IL18R1: variants seen among roughly 807,000 people sequenced by gnomAD.
The protein encoded by IL18R1 is interleukin-18 receptor 1.
IL18R1 carries 40 observed loss-of-function variants against 48.5 expected under a neutral mutation model. The observed-to-expected ratio is 0.82, with a 90% confidence interval of 0.64 to 1.07. The LOEUF (loss-of-function observed/expected upper bound fraction) is 1.07, where lower values mean the gene tolerates loss of function less well. Ranked by LOEUF, IL18R1 falls within the 50% of genes least tolerant of loss-of-function variation. The pLI, the probability that IL18R1 is intolerant of heterozygous loss-of-function variation, is 0.00. For synonymous variants in IL18R1, 232 were observed against 225.9 expected, an observed-to-expected ratio of 1.03 and a Z score of -0.24; for missense variants, 596 against 633.7, an observed-to-expected ratio of 0.94 and a Z score of 0.64.
At chr2:102,376,539 T>C (rs562294812) in intron 5 of IL18R1, among the ~76,000 whole-genome samples, 22 of 152,330 alleles carry the variant, frequency 1.4e-4, no homozygotes, top group African/African-American at 5.1e-4. Context: ...TCTGTGAGGC[T>C]GCAAGAGTGC....
chr2:102,381,782 C>A, intron 6 of IL18R1, 100 bp downstream of exon 6: 1 of 777,522 alleles, frequency 1.3e-6, no homozygotes, highest in Non-Finnish European at 2.2e-6. Flanking sequence ...ACTGGATACA[C>A]ATTTCATATT....
At chr2:102,370,266 G>T (rs1679175798) in intron 3 of IL18R1, among the ~76,000 whole-genome samples, 1 of 152,196 alleles carries the variant, frequency 6.6e-6, no homozygotes, top group Non-Finnish European at 1.5e-5. Context: ...CATTTGTTGA[G>T]TGTTAGGAAT....
chr2:102,366,245 C>T (rs576903387), intron 2 of IL18R1, among the ~76,000 whole-genome samples: 1 of 152,270 alleles, frequency 6.6e-6, no homozygotes, highest in East Asian at 1.9e-4. Flanking sequence ...AGATAATCGT[C>T]TCTCAAGTTC....
intron 5 of IL18R1, among the ~76,000 whole-genome samples, chr2:102,380,983 G>A (rs1445469852): frequency 6.6e-6 from 1 of 152,192 alleles, no homozygotes; most frequent in African/African-American, 2.4e-5. Flanking sequence ...CCTGTTGGGT[G>A]ATGACTTACT....
At chr2:102,378,203 A>G (rs902006757) in intron 5 of IL18R1, among the ~76,000 whole-genome samples, 4 of 152,204 alleles carry the variant, frequency 2.6e-5, no homozygotes, top group Admixed American at 6.5e-5. Flanking sequence ...GGCCAGGGAT[A>G]GTGCCAAGTA....
chr2:102,377,156 A>T (rs962217287), intron 5 of IL18R1, among the ~76,000 whole-genome samples: 1 of 152,182 alleles, frequency 6.6e-6, no homozygotes, highest in African/African-American at 2.4e-5. Context: ...CTTTAGCAAC[A>T]TCTTTCTTCT....
Position 102,394,462 on chromosome 2 carries a change from C to T in IL18R1, c.1112-7C>T, listed in dbSNP as rs755568985. On this transcript the variant is annotated splice_region_variant and splice_polypyrimidine_tract_variant and intron_variant, in intron 9 of 10. Coordinates refer to ENST00000233957, the MANE Select transcript of IL18R1 (RefSeq NM_003855.5). ...CATGAATTAAAAGAGCCAATCTTACCTCCTAGATGGAAAAACATATGATGC... is the reference window on the plus strand; with the variant it reads ...CATGAATTAAAAGAGCCAATCTTACTTCCTAGATGGAAAAACATATGATGC... 1.9e-6 allele frequency: 3 copies of T among 1,599,802 alleles called. No individual in the cohort carries two copies. Among genetic ancestry groups the T allele is most frequent in the Non-Finnish European group, 1.7e-6 (2 of 1,171,910 alleles).
Position 102,396,527 on chromosome 2 carries a change from T to A in IL18R1, c.1271-4T>A, listed in dbSNP as rs200837476. 1 of 1,545,388 alleles carries A rather than the reference T, an allele frequency of 6.5e-7. No homozygotes were observed. The highest frequency in any genetic ancestry group is 2.2e-5 in the East Asian group (1 of 44,472). ...AATTAATAGGGGTTATCTTGCATTT[T>A]CAGCTGTTGTTGATGAAATCCACTC... On this transcript the variant is annotated splice_polypyrimidine_tract_variant and splice_region_variant and intron_variant, in intron 10 of 10. Coordinates refer to ENST00000233957, the MANE Select transcript of IL18R1 (RefSeq NM_003855.5).
intron 4 of IL18R1, chr2:102,373,831 G>C (rs1454636945): frequency 5.0e-6 from 1 of 198,570 alleles, no homozygotes; most frequent in African/African-American, 2.3e-5. Context: ...GACTCTCACA[G>C]GAGTAAGAAC....
chr2:102,386,399 G>A (rs1680227820), intron 7 of IL18R1, among the ~76,000 whole-genome samples: 1 of 152,196 alleles, frequency 6.6e-6, no homozygotes. Flanking sequence ...ACAGTGTTAT[G>A]TTTTTTAATG....
chr2:102,384,710 C>A (rs1680121611), intron 6 of IL18R1, among the ~76,000 whole-genome samples, 168 bp from the exon 7 acceptor site: 1 of 152,128 alleles, frequency 6.6e-6, no homozygotes, highest in South Asian at 2.1e-4. Flanking sequence ...CTACCTATTT[C>A]TTCTGCTTTA....
Position 102,396,889 on chromosome 2 carries a change from T to G in IL18R1, c.*3T>G. 1 of 1,557,114 alleles carries G rather than the reference T, an allele frequency of 6.4e-7. No homozygotes were observed. The highest frequency in any genetic ancestry group is 8.7e-7 in the Non-Finnish European group (1 of 1,151,842). On this transcript the variant is annotated 3_prime_UTR_variant, in exon 11 of 11. Transcript: ENST00000233957. The stretch of plus-strand genomic sequence containing the variant: ...TGCCTGTTCTTTCCGAGTCTTAATC[T>G]TCAGAAACAGTGAACGCCAAAAAGA...
intron 4 of IL18R1, among the ~76,000 whole-genome samples, chr2:102,375,465 C>G (rs1394764997): frequency 6.6e-6 from 1 of 152,146 alleles, no homozygotes; most frequent in Non-Finnish European, 1.5e-5. Context: ...ATTCTCCACC[C>G]ATCCCACTAT....
intron 5 of IL18R1, among the ~76,000 whole-genome samples, chr2:102,381,238 G>A (rs1408239592): frequency 6.6e-6 from 1 of 152,214 alleles, no homozygotes; most frequent in African/African-American, 2.4e-5. Context: ...TCTTGGCCCT[G>A]CAACCTGTAA....
At position 102,372,092 on chromosome 2, in the gene IL18R1, C is replaced by T. The variant is rs1679299296; in HGVS notation, c.442C>T (p.Leu148=). The change falls in exon 4 of 11, where the codon CTG becomes TTG. Residue 148 remains leucine, a synonymous_variant. Transcript: ENST00000233957. ...ITCENSYYQT[L]VNSTSLYKNC... ...CTGTGAAAACAGTTACTATCAAACA[C>T]TGGTCAACAGCACATCATTGTATAA... 2 of 1,603,526 alleles carry T rather than the reference C, an allele frequency of 1.2e-6. No individual in the cohort carries two copies. Among genetic ancestry groups the T allele is most frequent in the East Asian group, 4.5e-5 (2 of 44,696 alleles).
chr2:102,380,291 A>G (rs544366940), intron 5 of IL18R1, among the ~76,000 whole-genome samples: 67 of 152,316 alleles, frequency 4.4e-4, no homozygotes, highest in African/African-American at 1.6e-3. Context: ...TTTGAGTGTT[A>G]GTAGACAGCA....
chr2:102,377,996 A>G (rs1260914363), intron 5 of IL18R1, among the ~76,000 whole-genome samples: 1 of 152,348 alleles, frequency 6.6e-6, no homozygotes, highest in Non-Finnish European at 1.5e-5. Flanking sequence ...AATTCTGTGT[A>G]TAATCATCTA....
intron 3 of IL18R1, among the ~76,000 whole-genome samples, chr2:102,370,069 A>G (rs1573195396): frequency 6.6e-6 from 1 of 152,248 alleles, no homozygotes. Context: ...TGTGGACAAA[A>G]ATGAGTGGTT....
At chr2:102,360,982 C>T (rs972395530) in intron 1 of IL18R1, among the ~76,000 whole-genome samples, 7 of 152,154 alleles carry the variant, frequency 4.6e-5, no homozygotes, top group Non-Finnish European at 7.3e-5. Flanking sequence ...TCCACATTTG[C>T]AGAATGGTGT....
Sources: allele counts gnomAD v4.1 joint callset (sites outside exome capture counted in the v4.1 genomes callset), GRCh38; gene constraint gnomAD v4.1.1; transcripts MANE v1.5; gene names NCBI Gene and HGNC (gene_info 2026-07-23, HGNC 2026-07-21).